The following HTR2C variants were observed in gnomAD, a reference collection of about 807,000 sequenced individuals.
The protein encoded by HTR2C is 5-hydroxytryptamine (serotonin) receptor 2C, G protein-coupled.
A neutral mutation model predicts 21.0 loss-of-function variants in HTR2C; 5 were observed. The ratio of observed to expected loss-of-function variants is 0.24; its 90% CI spans 0.12 to 0.50. The LOEUF is 0.50. HTR2C is among the 20% of genes least tolerant of loss of function. The pLI is 0.98. For synonymous variants in HTR2C, 150 were observed against 145.3 expected (o/e 1.03, Z -0.23); for missense variants, 271 against 371.2 (o/e 0.73, Z 2.22).
intron 2 of HTR2C, among the ~76,000 whole-genome samples, chrX:114,703,408 A>G (rs1932627679): frequency 9.0e-6 from 1 of 111,171 alleles, no homozygotes; most frequent in African/African-American, 3.3e-5. Flanking sequence ...TAAGAAACTC[A>G]CTCAAAACCA....
At chrX:114,729,723 A>T (rs1164561940) in intron 3 of HTR2C, among the ~76,000 whole-genome samples, 1 of 111,776 alleles carries the variant, frequency 8.9e-6, no homozygotes, top group African/African-American at 3.2e-5. Context: ...GAGTCCATTA[A>T]ATCACACATA....
At chrX:114,850,237 CA>C (rs1267933810) in intron 5 of HTR2C, among the ~76,000 whole-genome samples, 1 of 110,158 alleles carries the variant, frequency 9.1e-6, no homozygotes, top group Non-Finnish European at 1.9e-5. Context: ...GATGAAACCC[CA>C]TCTCTACTAA....
chrX:114,866,233 T>C (rs2071044811), intron 5 of HTR2C, among the ~76,000 whole-genome samples: 1 of 111,577 alleles, frequency 9.0e-6, no homozygotes, highest in Admixed American at 9.6e-5. Context: ...TAAGAATTTT[T>C]CTCTTATGCT....
intron 2 of HTR2C, among the ~76,000 whole-genome samples, chrX:114,627,298 T>G (rs782165502): frequency 3.6e-4 from 40 of 110,700 alleles, no homozygotes; most frequent in Non-Finnish European, 6.4e-4. Flanking sequence ...CTTTTTCCCC[T>G]TCTTCTACTT....
chrX:114,667,856 A>G (rs1447295889), intron 2 of HTR2C, among the ~76,000 whole-genome samples: 2 of 111,942 alleles, frequency 1.8e-5, no homozygotes, highest in African/African-American at 6.5e-5. Flanking sequence ...AGGCAATGAT[A>G]TATTTATTAA....
intron 2 of HTR2C, among the ~76,000 whole-genome samples, chrX:114,638,459 A>G (rs1478150922): frequency 9.2e-6 from 1 of 108,586 alleles, no homozygotes; most frequent in Non-Finnish European, 1.9e-5. Context: ...ACCTTCTTAA[A>G]GTGATAATTT....
chrX:114,746,032 A>G (rs1366139941), intron 4 of HTR2C, among the ~76,000 whole-genome samples: 2 of 112,130 alleles, frequency 1.8e-5, no homozygotes, highest in Admixed American at 1.9e-4. Flanking sequence ...TGATGTGATT[A>G]TTATGCATTG....
chrX:114,617,450 A>C (rs1928993329), intron 2 of HTR2C, among the ~76,000 whole-genome samples: 1 of 112,310 alleles, frequency 8.9e-6, no homozygotes, highest in Admixed American at 9.5e-5. Flanking sequence ...AAAAAGAAAA[A>C]AAAGAAAGAA....
At chrX:114,807,497 C>CAT (rs1296405513) in intron 4 of HTR2C, among the ~76,000 whole-genome samples, 18 of 66,765 alleles carry the variant, frequency 2.7e-4, no homozygotes, top group African/African-American at 8.1e-4. Context: ...ATATATATAC[C>CAT]ATATATATAC....
intron 4 of HTR2C, among the ~76,000 whole-genome samples, chrX:114,782,127 C>CAAAAAA (rs782535480): frequency 1.4e-5 from 1 of 72,856 alleles, no homozygotes; most frequent in African/African-American, 5.5e-5. Context: ...CTGACTTCTC[C>CAAAAAA]AAAAAAAAAA....
intron 4 of HTR2C, chrX:114,776,836 G>T (rs2070062826): frequency 4.9e-6 from 1 of 204,697 alleles, no homozygotes; most frequent in Non-Finnish European, 9.0e-6. Flanking sequence ...CTCCAGAACT[G>T]CGGGCGCATT....
intron 4 of HTR2C, among the ~76,000 whole-genome samples, chrX:114,777,296 T>G (rs2070068574): frequency 8.9e-6 from 1 of 111,848 alleles, no homozygotes; most frequent in Admixed American, 9.5e-5. Flanking sequence ...TTGAAGGCAC[T>G]TTCTGGGATA....
chrX:114,890,295 G>T (rs782747194), intron 5 of HTR2C, among the ~76,000 whole-genome samples: 1 of 111,967 alleles, frequency 8.9e-6, no homozygotes, highest in Non-Finnish European at 1.9e-5. Flanking sequence ...CCCATCATTT[G>T]TGGATTGTTG....
chrX:114,798,952 C>T (rs998334360), intron 4 of HTR2C, among the ~76,000 whole-genome samples: 5 of 109,820 alleles, frequency 4.6e-5, no homozygotes, highest in South Asian at 3.9e-4. Flanking sequence ...CAGCCCAGAG[C>T]GCACACACAC....
intron 4 of HTR2C, among the ~76,000 whole-genome samples, chrX:114,761,036 AT>A (rs1420241433): frequency 9.0e-6 from 1 of 111,256 alleles, no homozygotes; most frequent in Non-Finnish European, 1.9e-5. Flanking sequence ...TTTTAGTAGC[AT>A]TTTTTTTCTT....
At chrX:114,700,881 T>TA (rs1932452516) in intron 2 of HTR2C, among the ~76,000 whole-genome samples, 1 of 112,171 alleles carries the variant, frequency 8.9e-6, no homozygotes, top group Admixed American at 9.4e-5. Context: ...CCGACGGGCT[T>TA]AAAAAACAGC....
chrX:114,816,546 C>A (rs1423218837), intron 4 of HTR2C, among the ~76,000 whole-genome samples: 5 of 110,145 alleles, frequency 4.5e-5, no homozygotes, highest in African/African-American at 1.6e-4. Context: ...AGGTTAAACA[C>A]CATAAACTAT....
chrX:114,841,970 G>C (rs1413705640), intron 4 of HTR2C, among the ~76,000 whole-genome samples: 3 of 111,764 alleles, frequency 2.7e-5, no homozygotes, highest in Non-Finnish European at 5.6e-5. Context: ...GTAAATTAAG[G>C]AATAAATAAG....
intron 4 of HTR2C, among the ~76,000 whole-genome samples, chrX:114,745,815 T>TG (rs1254054505): frequency 6.4e-4 from 70 of 108,912 alleles, no homozygotes; most frequent in Admixed American, 9.8e-4. Context: ...GGAAGGGTAG[T>TG]GGGGGGGGAT....
Sources: gnomAD v4.1 joint callset for allele counts (sites outside exome capture counted in the v4.1 genomes callset) on GRCh38, gnomAD v4.1.1 for gene constraint, MANE v1.5 for transcripts, NCBI Gene and HGNC (gene_info 2026-07-23, HGNC 2026-07-21) for gene names.